Variants in CTSZ observed in about 807,000 individuals in gnomAD.
The protein encoded by CTSZ is cathepsin Z.
Under a neutral mutation model 32.4 loss-of-function variants are expected in CTSZ, and 39 were observed. That is an observed-to-expected ratio of 1.20 (90% confidence interval 0.93 to 1.57). The LOEUF (loss-of-function observed/expected upper bound fraction) is 1.57. Among genes scored for constraint, CTSZ ranks in the 40% most tolerant of loss-of-function variants. The pLI, the probability that CTSZ is intolerant of heterozygous loss-of-function variation, is 0.00. For synonymous variants in CTSZ, 168 were observed against 170.1 expected (o/e 0.99, Z 0.10); for missense variants, 397 against 419.6 (o/e 0.95, Z 0.47).
intron 2 of CTSZ, 157 bp downstream of exon 2, chr20:59,006,165 A>G (rs2091907908): frequency 1.1e-6 from 1 of 950,788 alleles, no homozygotes; most frequent in Non-Finnish European, 1.5e-6. Flanking sequence ...ACCTCAGCAG[A>G]GGGCAAAGGC....
intron 3 of CTSZ, among the ~76,000 whole-genome samples, chr20:58,999,437 G>A (rs1413117176): frequency 6.6e-6 from 1 of 152,196 alleles, no homozygotes; most frequent in Non-Finnish European, 1.5e-5. Flanking sequence ...GGCGTGGAGT[G>A]GGCGTGGCCC....
At chr20:58,999,255 C>T (rs1015485244) in intron 3 of CTSZ, among the ~76,000 whole-genome samples, 8 of 152,204 alleles carry the variant, frequency 5.3e-5, no homozygotes, top group South Asian at 2.1e-4. Flanking sequence ...AGTCTGGTCT[C>T]GAACTCCTGG....
chr20:59,006,225 TC>T (rs2091908128), intron 2 of CTSZ, 96 bp downstream of exon 2: 1 of 1,441,410 alleles, frequency 6.9e-7, no homozygotes, highest in African/African-American at 1.4e-5. Flanking sequence ...TGGCCTTGAA[TC>T]ACAGGCCCCT....
rs762153494 is a variant in CTSZ, at chr20:59,006,280, G to A, written c.307+42C>T. The A allele has an allele frequency of 5.8e-6, 9 of 1,548,834 alleles. No homozygotes were observed. The South Asian group carries it at 1.1e-4, about 18-fold the overall frequency. ...GCCTGGGCCTATAAACAGGCAGCCG[G>A]GATGGGCTTTCCTGGCCCACAGTCA... On this transcript the variant is annotated intron_variant, in intron 2 of 5. Coordinates refer to ENST00000217131, the MANE Select transcript of CTSZ (RefSeq NM_001336.4).
rs750540427 is a variant in CTSZ at position 58,995,756 on chromosome 20, C to T, written c.805G>A (p.Glu269Lys). The change falls in exon 6 of 6, where the codon GAG becomes AAG. Residue 269 changes from glutamate to lysine, a missense_variant. Physicochemically the swap from Glu to Lys is moderately conservative, Grantham distance 56. Transcript: ENST00000217131. Reference protein sequence around the residue: ...VRNSWGEPWGERGWLRIVTST... With the variant: ...VRNSWGEPWGKRGWLRIVTST... The stretch of plus-strand genomic sequence containing the variant: ...GTCACGATCCTCAGCCAGCCTCTCT[C>T]GCCCTGTGAGAAGTGGGATCGCGCG... 1.6e-5 allele frequency: 26 copies of T among 1,613,912 alleles called. No individual in the cohort carries two copies. Among genetic ancestry groups the T allele is most frequent in the East Asian group, 2.2e-5 (1 of 44,894 alleles).
chr20:59,001,808 G>C (rs1185159460), intron 2 of CTSZ, among the ~76,000 whole-genome samples, 164 bp from the exon 3 acceptor site: 1 of 152,218 alleles, frequency 6.6e-6, no homozygotes, highest in African/African-American at 2.4e-5. Flanking sequence ...TCTTCATGGA[G>C]GTCTCCGCTC....
At chr20:59,003,174 C>T (rs907843319) in intron 2 of CTSZ, among the ~76,000 whole-genome samples, 3 of 152,226 alleles carry the variant, frequency 2.0e-5, no homozygotes, top group African/African-American at 4.8e-5. Context: ...CAGTGCAGGG[C>T]GTCCCATGGC....
rs1292081944 is a variant in CTSZ at position 59,007,009 on chromosome 20, G to T, written c.120C>A (p.Asp40Glu). The change falls in exon 1 of 6, where the codon GAC (aspartate) becomes GAA (glutamate). Residue 40 changes from aspartate (D) to glutamate (E), a missense_variant. Coordinates refer to ENST00000217131, the MANE Select transcript of CTSZ (RefSeq NM_001336.4). ...ACCTGCGCCCCAGCGGAGCCAGCCC[G>T]TCCCCCCGCAGAGGCCGGTAGCAGG... The part of the protein sequence containing the change: ...GQTCYRPLRG[D>E]GLAPLGRSTY... 2.0e-6 allele frequency: 3 copies of T among 1,470,560 alleles called. No homozygotes were observed. The highest frequency in any genetic ancestry group is 2.6e-5 in the South Asian group (2 of 77,568). The allele number at this position is 1,470,560 out of a possible 1,614,324, so 91.1% of individuals were successfully genotyped here. A position where few individuals can be genotyped will look rare whatever the true frequency, so the allele number is the denominator to read the frequency against.
chr20:59,003,447 G>A (rs886652944), intron 2 of CTSZ, among the ~76,000 whole-genome samples: 4 of 152,200 alleles, frequency 2.6e-5, no homozygotes, highest in South Asian at 4.1e-4. Flanking sequence ...TCCTGAATAC[G>A]TTTAATGCAG....
Position 59,001,519 on chromosome 20 carries a change from G to T in CTSZ, c.433C>A (p.His145Asn). 6.2e-7 allele frequency: 1 copy of T among 1,614,114 alleles called. No homozygotes were observed. Among genetic ancestry groups the T allele is most frequent in the Non-Finnish European group, 8.5e-7 (1 of 1,179,942 alleles). ...GNDLSVWDYA[H>N]QHGIPDETCN... ...GTCTCGTCAGGGATGCCGTGCTGGTGGGCGTAGTCCCACACGGACAGGTCA... is the reference window on the plus strand; with the variant it reads ...GTCTCGTCAGGGATGCCGTGCTGGTTGGCGTAGTCCCACACGGACAGGTCA... Residue 145 changes from histidine (H) to asparagine (N), a missense_variant, in exon 3 of 6, where the codon CAC becomes AAC. His to Asn is a moderately conservative substitution (Grantham distance 68). Coordinates refer to ENST00000217131, the MANE Select transcript of CTSZ (RefSeq NM_001336.4).
chr20:59,005,879 T>C (rs560546222), intron 2 of CTSZ, among the ~76,000 whole-genome samples: 92 of 152,182 alleles, frequency 6.0e-4, no homozygotes, highest in Non-Finnish European at 1.1e-3. Flanking sequence ...CCCACCAGGC[T>C]GGAGGTAGTG....
chr20:58,997,179 A>G (rs2091865033), intron 4 of CTSZ, among the ~76,000 whole-genome samples: 2 of 151,862 alleles, frequency 1.3e-5, no homozygotes, highest in Admixed American at 1.3e-4. Flanking sequence ...AAAAAAAAAA[A>G]AAAAATCTGG....
chr20:59,000,922 C>T (rs976014285), intron 3 of CTSZ, among the ~76,000 whole-genome samples: 5 of 151,288 alleles, frequency 3.3e-5, no homozygotes, highest in African/African-American at 1.2e-4. Flanking sequence ...CTCTGCCTCC[C>T]GGGTCAAGCA....
At position 59,007,216 on chromosome 20, in the gene CTSZ, C is replaced by A; in HGVS notation, c.-88G>T. ...GCTCCCGCTCTGGATCCCGCCCCGG[C>A]CTCGGCCTCGGCCCAGCACCCGGCC... On this transcript the variant is annotated 5_prime_UTR_variant, in exon 1 of 6. Coordinates refer to ENST00000217131, the MANE Select transcript of CTSZ (RefSeq NM_001336.4). 8.4e-7 allele frequency: 1 copy of A among 1,196,270 alleles called. No homozygotes were observed. Among genetic ancestry groups the A allele is most frequent in the Non-Finnish European group, 1.0e-6 (1 of 971,188 alleles). 74.1% of individuals were successfully genotyped at this position (1,196,270 alleles called of 1,614,324 possible).
chr20:58,999,416 G>A (rs2091877978), intron 3 of CTSZ, among the ~76,000 whole-genome samples: 4 of 152,302 alleles, frequency 2.6e-5, no homozygotes, highest in South Asian at 2.1e-4. Flanking sequence ...TCAGCTGGGC[G>A]AGAGCACTTT....
At chr20:58,999,070 C>T (rs2146362284) in intron 3 of CTSZ, among the ~76,000 whole-genome samples, 1 of 152,102 alleles carries the variant, frequency 6.6e-6, no homozygotes, top group African/African-American at 2.4e-5. Flanking sequence ...GAGTCTCACT[C>T]TGTCACCCAG....
At chr20:58,999,364 C>T (rs2091877469) in intron 3 of CTSZ, among the ~76,000 whole-genome samples, 1 of 152,184 alleles carries the variant, frequency 6.6e-6, no homozygotes, top group African/African-American at 2.4e-5. Flanking sequence ...TGATGAGCTC[C>T]ATCTGCTCCT....
intron 3 of CTSZ, among the ~76,000 whole-genome samples, chr20:58,999,410 C>G (rs1228592252): frequency 6.6e-6 from 1 of 152,164 alleles, no homozygotes; most frequent in African/African-American, 2.4e-5. Context: ...CTGGCCTCAG[C>G]TGGGCGAGAG....
At chr20:58,996,584 G>T (rs1569062042) in intron 5 of CTSZ, 55 bp downstream of exon 5, 3 of 1,563,724 alleles carry the variant, frequency 1.9e-6, no homozygotes, top group Non-Finnish European at 2.6e-6. Context: ...CAAGCGAGAG[G>T]AGTACCAGGA....
Sources: allele counts gnomAD v4.1 joint callset (sites outside exome capture counted in the v4.1 genomes callset), GRCh38; gene constraint gnomAD v4.1.1; transcripts MANE v1.5; gene names NCBI Gene and HGNC (gene_info 2026-07-23, HGNC 2026-07-21).